Variants in ADGB observed in about 807,000 individuals in gnomAD.
ADGB encodes calpain-7-like protein.
In ADGB, 172 loss-of-function variants were observed where a neutral mutation model predicts 210.5. That is an observed-to-expected ratio of 0.82 (90% confidence interval 0.72 to 0.93). The LOEUF is 0.93. Among genes scored for constraint, ADGB ranks in the 40% least tolerant of loss-of-function variants. The pLI is 0.00. For synonymous variants in ADGB, 658 were observed against 662.7 expected, an observed-to-expected ratio of 0.99 and a Z score of 0.11; for missense variants, 2,025 against 1,964.8, an observed-to-expected ratio of 1.03 and a Z score of -0.58.
At chr6:146,778,580 A>C (rs2114640424) in intron 29 of ADGB, among the ~76,000 whole-genome samples, 1 of 152,220 alleles carries the variant, frequency 6.6e-6, no homozygotes, top group Admixed American at 6.5e-5. Context: ...TCATTTAAAC[A>C]ACCTTATTCT....
intron 11 of ADGB, 83 bp from the exon 12 acceptor site, chr6:146,692,742 A>C: frequency 1.5e-6 from 1 of 687,320 alleles, no homozygotes; most frequent in East Asian, 2.7e-5. Flanking sequence ...TCTATCCAGC[A>C]CTGTATTAAA....
At chr6:146,769,233 G>A in intron 29 of ADGB, 102 bp downstream of exon 29, 1 of 583,264 alleles carries the variant, frequency 1.7e-6, no homozygotes, top group Non-Finnish European at 3.0e-6. Flanking sequence ...ATCATTGTAT[G>A]ATGTTTTATT....
chr6:146,738,501 G>A (rs2114594821), intron 23 of ADGB, among the ~76,000 whole-genome samples: 1 of 135,682 alleles, frequency 7.4e-6, no homozygotes, highest in Non-Finnish European at 1.5e-5. Context: ...CCAGGCTGGA[G>A]TGCAGTGGCA....
intron 1 of ADGB, among the ~76,000 whole-genome samples, chr6:146,601,589 A>G (rs991959590): frequency 2.0e-5 from 3 of 152,220 alleles, no homozygotes; most frequent in African/African-American, 7.2e-5. Context: ...ATACACCGGG[A>G]GATTTAGAGT....
At chr6:146,659,776 C>T (rs1033392761) in intron 5 of ADGB, among the ~76,000 whole-genome samples, 3 of 152,138 alleles carry the variant, frequency 2.0e-5, no homozygotes, top group Non-Finnish European at 4.4e-5. Context: ...GGACACATAT[C>T]ATCTCGTCAA....
intron 33 of ADGB, among the ~76,000 whole-genome samples, chr6:146,798,689 CTG>C (rs1778081208): frequency 6.7e-6 from 1 of 150,130 alleles, no homozygotes; most frequent in Non-Finnish European, 1.5e-5. Flanking sequence ...AAAAAAAAAA[CTG>C]TGAATAAGTG....
At chr6:146,745,661 A>G (rs1239289450) in intron 25 of ADGB, among the ~76,000 whole-genome samples, 1 of 152,234 alleles carries the variant, frequency 6.6e-6, no homozygotes, top group Non-Finnish European at 1.5e-5. Context: ...GTAATCATCT[A>G]TTGTAGTTAA....
At position 146,656,754 on chromosome 6, in the gene ADGB, A is replaced by G. The variant is rs1562266367; in HGVS notation, c.403-17A>G. ...ACTGAAAAATAACCAATTAACCCTA[A>G]TGTTTTTTATCTCTAGCTGATGAGA... On this transcript the variant is annotated splice_polypyrimidine_tract_variant and intron_variant, in intron 4 of 35. Transcript: ENST00000397944. 3 of 1,489,344 alleles carry G rather than the reference A, an allele frequency of 2.0e-6. No individual in the cohort carries two copies. The allele number at this position is 1,489,344 out of a possible 1,614,324, so 92.3% of individuals were successfully genotyped here. A position where few individuals can be genotyped will look rare whatever the true frequency, so the allele number is the denominator to read the frequency against.
rs527534978 is a variant in ADGB, at chr6:146,804,517, A to G, written c.4818+2506A>G. 5.9e-5 allele frequency among the ~76,000 whole-genome samples: 9 copies of G among 152,136 alleles called. No individual in the cohort carries two copies. The South Asian group carries it at 1.0e-3, about 18-fold the overall frequency. On this transcript the variant is annotated intron_variant, in intron 35 of 35. Transcript: ENST00000397944. ...AGATTCTCCATCTCGGTCAATACCAATTGCATTCTTTCAGTTGCCCAAGCA... is the reference window on the plus strand; with the variant it reads ...AGATTCTCCATCTCGGTCAATACCAGTTGCATTCTTTCAGTTGCCCAAGCA...
chr6:146,717,847 A>G (rs1431305924), intron 16 of ADGB, among the ~76,000 whole-genome samples: 2 of 152,220 alleles, frequency 1.3e-5, no homozygotes, highest in African/African-American at 4.8e-5. Flanking sequence ...AATTCACATT[A>G]AGAAAAATTT....
rs567740504 is a variant in ADGB at position 146,706,729 on chromosome 6, C to G, written c.1707+5659C>G. Among the ~76,000 whole-genome samples, 36 of 151,640 alleles carry G rather than the reference C, an allele frequency of 2.4e-4. 2 individuals carry two copies. The South Asian group carries it at 7.5e-3, about 31-fold the overall frequency. ...AGGATTCTTTGTATTTCTGCAGTAT[C>G]ATTTGTAATGCTTCCTTTTTTATTT... On this transcript the variant is annotated intron_variant, in intron 13 of 35. Coordinates refer to ENST00000397944, the MANE Select transcript of ADGB (RefSeq NM_024694.4).
chr6:146,635,020 A>C (rs1363406711), intron 1 of ADGB, among the ~76,000 whole-genome samples: 1 of 152,046 alleles, frequency 6.6e-6, no homozygotes, highest in East Asian at 1.9e-4. Flanking sequence ...ATATATGTAG[A>C]CTGATAGATA....
intron 1 of ADGB, among the ~76,000 whole-genome samples, chr6:146,601,763 C>G (rs1349425825): frequency 6.6e-6 from 1 of 152,204 alleles, no homozygotes; most frequent in Non-Finnish European, 1.5e-5. Context: ...TCTGACATCT[C>G]TCTTTTGCCC....
intron 31 of ADGB, among the ~76,000 whole-genome samples, chr6:146,785,130 T>C (rs1777855456): frequency 6.6e-6 from 1 of 152,180 alleles, no homozygotes; most frequent in Non-Finnish European, 1.5e-5. Context: ...ATGTTTAATA[T>C]GTGCTTTACT....
At chr6:146,792,277 G>A (rs1046517748) in intron 33 of ADGB, among the ~76,000 whole-genome samples, 2 of 152,134 alleles carry the variant, frequency 1.3e-5, no homozygotes, top group African/African-American at 2.4e-5. Flanking sequence ...TAGAATTTTG[G>A]TAGGGATTGT....
At chr6:146,734,994 T>G (rs946596424) in intron 22 of ADGB, among the ~76,000 whole-genome samples, 2 of 152,040 alleles carry the variant, frequency 1.3e-5, no homozygotes, top group African/African-American at 4.8e-5. Flanking sequence ...AGGAGAAGCC[T>G]TACCTCCAAT....
At chr6:146,807,458 C>A (rs1325880434) in intron 35 of ADGB, 1 of 1,551,572 alleles carries the variant, frequency 6.4e-7, no homozygotes, top group Non-Finnish European at 8.7e-7. Flanking sequence ...AGTACAGAAA[C>A]AAATTGCTGG....
chr6:146,651,471 A>C (rs748879635), intron 3 of ADGB, among the ~76,000 whole-genome samples: 6 of 152,324 alleles, frequency 3.9e-5, no homozygotes, highest in Admixed American at 3.9e-4. Context: ...TTATGCCCTT[A>C]AAAGACAATT....
intron 11 of ADGB, among the ~76,000 whole-genome samples, 170 bp downstream of exon 11, chr6:146,691,460 AAATATATATAT>A (rs1776319807): frequency 5.2e-5 from 1 of 19,132 alleles, no homozygotes; most frequent in Non-Finnish European, 8.0e-5. Flanking sequence ...ATATATATAA[AAATATATATAT>A]ATATAAATAT....
Sources: gnomAD v4.1 joint callset for allele counts (sites outside exome capture counted in the v4.1 genomes callset) on GRCh38, gnomAD v4.1.1 for gene constraint, MANE v1.5 for transcripts, NCBI Gene and HGNC (gene_info 2026-07-23, HGNC 2026-07-21) for gene names.